RBMS3: variants seen among roughly 807,000 people sequenced by gnomAD.
The protein encoded by RBMS3 is RNA binding motif single stranded interacting protein 3.
A neutral mutation model predicts 66.8 loss-of-function variants in RBMS3; 27 were observed. That is an observed-to-expected ratio of 0.40 (90% CI 0.30 to 0.56). The LOEUF (loss-of-function observed/expected upper bound fraction) is 0.56. RBMS3 is among the 20% of genes least tolerant of loss of function. The pLI, the probability that RBMS3 is intolerant of heterozygous loss-of-function variation, is 0.40. For missense variants in RBMS3, 513 were observed against 549.5 expected, an observed-to-expected ratio of 0.93 and a Z score of 0.66; for synonymous variants, 188 against 183.0, an observed-to-expected ratio of 1.03 and a Z score of -0.22.
In RBMS3 at chr3:29,443,469, G is replaced by T. The variant is rs2041703351; in HGVS notation, c.248+8554G>T. Reference sequence around the variant, plus strand: ...AAATGTCATGAAAAGCAGGTTGTAAGTAATGACTAGGAGGTTACTCTAGAC... The same window carrying T: ...AAATGTCATGAAAAGCAGGTTGTAATTAATGACTAGGAGGTTACTCTAGAC... On this transcript the variant is annotated intron_variant, in intron 2 of 14. Coordinates refer to ENST00000383767, the MANE Select transcript of RBMS3 (RefSeq NM_001003793.3). Among the ~76,000 whole-genome samples the T allele has an allele frequency of 2.0e-5, 3 of 152,116 alleles. 1 individual carries two copies. In the South Asian group the frequency reaches 6.2e-4, roughly 31 times the overall value.
At chr3:29,431,123 T>C (rs1326138909) in intron 1 of RBMS3, among the ~76,000 whole-genome samples, 3 of 152,168 alleles carry the variant, frequency 2.0e-5, no homozygotes, top group Non-Finnish European at 2.9e-5. Flanking sequence ...TTTCTGTAGA[T>C]ATTAAATTTC....
chr3:29,715,336 G>T (rs149226652), intron 4 of RBMS3, among the ~76,000 whole-genome samples: 93 of 152,228 alleles, frequency 6.1e-4, no homozygotes, highest in African/African-American at 1.8e-3. Flanking sequence ...GCTGAGAAAA[G>T]TGAGATTAGA....
intron 1 of RBMS3, among the ~76,000 whole-genome samples, chr3:29,366,813 C>G (rs1452109054): frequency 6.6e-6 from 1 of 152,150 alleles, no homozygotes; most frequent in Admixed American, 6.6e-5. Context: ...ATTCCTCTTT[C>G]TATAGCGGGG....
intron 10 of RBMS3, among the ~76,000 whole-genome samples, chr3:29,916,344 T>C (rs923447988): frequency 6.6e-6 from 1 of 152,016 alleles, no homozygotes; most frequent in Non-Finnish European, 1.5e-5. Context: ...TTCTTTAATT[T>C]GTTAAGTTTA....
chr3:29,672,648 T>C lies in RBMS3; in HGVS notation c.400-67072T>C, dbSNP rs182048466. 2.0e-4 allele frequency among the ~76,000 whole-genome samples: 31 copies of C among 152,230 alleles called. No homozygotes were observed. The East Asian group carries it at 5.4e-3, about 27-fold the overall frequency. On this transcript the variant is annotated intron_variant, in intron 4 of 14. Coordinates refer to ENST00000383767, the MANE Select transcript of RBMS3 (RefSeq NM_001003793.3). ...CAGGGGTTGCAATCCTAGCCTCTGATAAAACAGATTTTAAATGAACAAAGA... is the reference window on the plus strand; with the variant it reads ...CAGGGGTTGCAATCCTAGCCTCTGACAAAACAGATTTTAAATGAACAAAGA...
chr3:29,538,667 T>A (rs987936359), intron 3 of RBMS3, among the ~76,000 whole-genome samples: 9 of 152,222 alleles, frequency 5.9e-5, no homozygotes, highest in African/African-American at 2.2e-4. Context: ...CAGTATTACT[T>A]TTATAAATGC....
Position 29,581,705 on chromosome 3 carries a change from C to G in RBMS3, c.308-5409C>G, listed in dbSNP as rs550566342. 1.2e-4 allele frequency among the ~76,000 whole-genome samples: 18 copies of G among 152,292 alleles called. No homozygotes were observed. The South Asian group carries it at 1.7e-3, about 14-fold the overall frequency. On this transcript the variant is annotated intron_variant, in intron 3 of 14. Transcript: ENST00000383767. ...TCTTTGGAAGAATTTGGGTGCTACA[C>G]CAAGCCATCTGTGTTTCAAGCGAGA...
At chr3:29,676,067 C>T (rs1308787123) in intron 4 of RBMS3, among the ~76,000 whole-genome samples, 4 of 152,182 alleles carry the variant, frequency 2.6e-5, no homozygotes, top group Non-Finnish European at 4.4e-5. Context: ...AAATGTGGCA[C>T]ATATACACCA....
intron 6 of RBMS3, among the ~76,000 whole-genome samples, chr3:29,771,592 T>A (rs2056201382): frequency 1.3e-5 from 2 of 152,060 alleles, no homozygotes; most frequent in South Asian, 4.1e-4. Flanking sequence ...AGGTTGCTAA[T>A]AAACAGACCT....
chr3:29,738,490 G>A (rs1267637441), intron 4 of RBMS3, among the ~76,000 whole-genome samples: 1 of 152,142 alleles, frequency 6.6e-6, no homozygotes, highest in Non-Finnish European at 1.5e-5. Context: ...AGAGAAAATT[G>A]ATACACACAG....
chr3:29,293,604 A>C (rs898456372), intron 1 of RBMS3, among the ~76,000 whole-genome samples: 1 of 151,710 alleles, frequency 6.6e-6, no homozygotes, highest in African/African-American at 2.4e-5. Flanking sequence ...CATTGTATGC[A>C]TTTCTCCATC....
intron 3 of RBMS3, among the ~76,000 whole-genome samples, chr3:29,538,912 A>G (rs538506105): frequency 6.6e-6 from 1 of 152,210 alleles, no homozygotes; most frequent in South Asian, 2.1e-4. Flanking sequence ...ATTACATGAT[A>G]AAATATATGT....
chr3:29,312,932 GC>G (rs2034467338), intron 1 of RBMS3, among the ~76,000 whole-genome samples: 4 of 151,538 alleles, frequency 2.6e-5, no homozygotes, highest in Admixed American at 2.6e-4. Context: ...GAACTTCACT[GC>G]CCCTGCAGTG....
intron 14 of RBMS3, among the ~76,000 whole-genome samples, chr3:29,995,516 A>C (rs997985294): frequency 1.3e-5 from 2 of 151,328 alleles, no homozygotes; most frequent in African/African-American, 4.8e-5. Flanking sequence ...GCCAGAGAGA[A>C]AGGTCGGGTT....
intron 1 of RBMS3, among the ~76,000 whole-genome samples, chr3:29,397,553 T>A (rs568612738): frequency 6.6e-6 from 1 of 152,232 alleles, no homozygotes; most frequent in African/African-American, 2.4e-5. Context: ...AATGAGGAAG[T>A]GAGACTAACT....
chr3:29,477,753 T>C (rs1339693304), intron 2 of RBMS3, among the ~76,000 whole-genome samples: 1 of 151,848 alleles, frequency 6.6e-6, no homozygotes, highest in Non-Finnish European at 1.5e-5. Context: ...ATATAGATAA[T>C]GTTTATTTTT....
At chr3:29,488,980 C>T (rs1428705342) in intron 3 of RBMS3, among the ~76,000 whole-genome samples, 1 of 152,134 alleles carries the variant, frequency 6.6e-6, no homozygotes, top group Non-Finnish European at 1.5e-5. Context: ...GAGTTGGTAT[C>T]TTATTAAGAC....
chr3:29,712,384 C>T (rs1338646466), intron 4 of RBMS3, among the ~76,000 whole-genome samples: 1 of 152,078 alleles, frequency 6.6e-6, no homozygotes, highest in East Asian at 1.9e-4. Flanking sequence ...GCAATCTTGG[C>T]TCACTGCAAC....
intron 4 of RBMS3, among the ~76,000 whole-genome samples, chr3:29,705,466 G>A (rs1350530827): frequency 6.6e-6 from 1 of 152,164 alleles, no homozygotes; most frequent in Non-Finnish European, 1.5e-5. Flanking sequence ...GCATAACACA[G>A]TGCTTAAGTA....
Sources: allele counts gnomAD v4.1 joint callset (sites outside exome capture counted in the v4.1 genomes callset), GRCh38; gene constraint gnomAD v4.1.1; transcripts MANE v1.5; gene names NCBI Gene and HGNC (gene_info 2026-07-23, HGNC 2026-07-21).